PLD1: variants seen among roughly 807,000 people sequenced by gnomAD.
The protein encoded by PLD1 is choline phosphatase 1.
PLD1 carries 112 observed loss-of-function variants against 137.1 expected under a neutral mutation model. The ratio of observed to expected loss-of-function variants is 0.82; its 90% CI spans 0.70 to 0.96. The LOEUF is 0.96. PLD1 is among the 40% of genes least tolerant of loss of function. PLD1 has a pLI of 0.00. For synonymous variants in PLD1, 431 were observed against 454.7 expected (o/e 0.95, Z 0.66); for missense variants, 1,321 against 1,342.0 (o/e 0.98, Z 0.24).
chr3:171,620,800 T>G (rs1451725539), intron 23 of PLD1, among the ~76,000 whole-genome samples: 2 of 148,094 alleles, frequency 1.4e-5, no homozygotes, highest in Non-Finnish European at 3.0e-5. Flanking sequence ...TTGAAGTGTT[T>G]TCTGTCTTCC....
intron 12 of PLD1, 76 bp downstream of exon 12, chr3:171,699,669 G>A (rs915662204): frequency 4.5e-5 from 47 of 1,037,964 alleles, no homozygotes; most frequent in Middle Eastern, 4.1e-4. Flanking sequence ...CGTGTGAAAG[G>A]CTTTGAAAAG....
intron 1 of PLD1, among the ~76,000 whole-genome samples, chr3:171,807,309 A>G (rs1215233270): frequency 6.6e-6 from 1 of 151,984 alleles, no homozygotes; most frequent in Non-Finnish European, 1.5e-5. Context: ...AAAAAAGTTT[A>G]AAAGGTGCAT....
intron 1 of PLD1, among the ~76,000 whole-genome samples, chr3:171,770,726 T>C (rs1722286374): frequency 6.7e-6 from 1 of 149,184 alleles, no homozygotes; most frequent in East Asian, 2.0e-4. Context: ...TATAAAAAAG[T>C]ATAAAAAAAA....
chr3:171,783,904 A>AC (rs1393750266), intron 1 of PLD1, among the ~76,000 whole-genome samples: 1 of 152,074 alleles, frequency 6.6e-6, no homozygotes, highest in African/African-American at 2.4e-5. Flanking sequence ...GCCTTAGGCT[A>AC]CCAAAGTGCT....
intron 21 of PLD1, among the ~76,000 whole-genome samples, chr3:171,646,349 T>G (rs1736209829): frequency 6.6e-6 from 1 of 152,202 alleles, no homozygotes; most frequent in Non-Finnish European, 1.5e-5. Context: ...AATTTTTCTT[T>G]CATGTGAATA....
intron 13 of PLD1, among the ~76,000 whole-genome samples, chr3:171,690,524 A>G (rs1715046324): frequency 6.6e-6 from 1 of 152,026 alleles, no homozygotes; most frequent in South Asian, 2.1e-4. Context: ...TCTGTGTCCC[A>G]TAATTTTGGT....
chr3:171,788,071 G>A (rs964177551), intron 1 of PLD1, among the ~76,000 whole-genome samples: 13 of 151,820 alleles, frequency 8.6e-5, no homozygotes, highest in Non-Finnish European at 1.3e-4. Flanking sequence ...GCTGGGCATG[G>A]TGGTACACGC....
At chr3:171,662,428 C>A (rs1301592574) in intron 19 of PLD1, among the ~76,000 whole-genome samples, 3 of 152,146 alleles carry the variant, frequency 2.0e-5, no homozygotes, top group African/African-American at 7.2e-5. Flanking sequence ...TACCCTCTTT[C>A]ATCCAGGATT....
chr3:171,692,233 T>G, intron 13 of PLD1, 99 bp downstream of exon 13: 1 of 627,558 alleles, frequency 1.6e-6, no homozygotes. Flanking sequence ...AATATACATT[T>G]GGGCATTCTA....
At chr3:171,794,325 G>A (rs1723343565) in intron 1 of PLD1, among the ~76,000 whole-genome samples, 1 of 152,206 alleles carries the variant, frequency 6.6e-6, no homozygotes, top group African/African-American at 2.4e-5. Context: ...AGGTATGTAT[G>A]TATAGGGAAA....
At chr3:171,638,837 C>G (rs1735388614) in intron 23 of PLD1, among the ~76,000 whole-genome samples, 1 of 152,110 alleles carries the variant, frequency 6.6e-6, no homozygotes, top group Non-Finnish European at 1.5e-5. Context: ...CGTGGATTCA[C>G]TAAAGTAGAT....
rs779851911 is a variant in PLD1, at chr3:171,603,295, C to T, written c.3008G>A (p.Arg1003Gln). The T allele has an allele frequency of 1.1e-5, 17 of 1,612,450 alleles. No individual in the cohort carries two copies. Among genetic ancestry groups the T allele is most frequent in the East Asian group, 2.2e-5 (1 of 44,840 alleles). ...GTGTACTTCATCATTGGGAAGGCACCGGAAAACCTGATTAGAGCATAAATA... is the reference window on the plus strand; with the variant it reads ...GTGTACTTCATCATTGGGAAGGCACTGGAAAACCTGATTAGAGCATAAATA... ...RNATIYDKVF[R>Q]CLPNDEVHNL... Residue 1003 changes from arginine to glutamine, a missense_variant, in exon 27 of 27, where the codon CGG (arginine) becomes CAG (glutamine). Arg to Gln is a conservative substitution (Grantham distance 43, BLOSUM62 1). Coordinates refer to ENST00000351298, the MANE Select transcript of PLD1 (RefSeq NM_002662.5).
At chr3:171,749,039 T>C (rs1039531912) in intron 1 of PLD1, among the ~76,000 whole-genome samples, 1 of 151,984 alleles carries the variant, frequency 6.6e-6, no homozygotes, top group Non-Finnish European at 1.5e-5. Flanking sequence ...GGAAACAAAA[T>C]GAATCAAGCT....
intron 16 of PLD1, 141 bp downstream of exon 16, chr3:171,686,544 G>C (rs1714575205): frequency 3.2e-6 from 2 of 622,592 alleles, no homozygotes; most frequent in Admixed American, 2.6e-5. Flanking sequence ...GCTTTGCACA[G>C]AGCAGGCTCT....
At chr3:171,670,713 T>C (rs571552290) in intron 19 of PLD1, among the ~76,000 whole-genome samples, 28 of 152,352 alleles carry the variant, frequency 1.8e-4, no homozygotes, top group African/African-American at 6.0e-4. Flanking sequence ...TGTGGCTAAA[T>C]GTACCTATGA....
chr3:171,603,393 TC>T, intron 26 of PLD1, 91 bp from the exon 27 acceptor site: 1 of 830,652 alleles, frequency 1.2e-6, no homozygotes, highest in Non-Finnish European at 2.0e-6. Context: ...AGACAAGACC[TC>T]TGTTGTATGA....
At chr3:171,729,553 G>T (rs553833438) in intron 6 of PLD1, among the ~76,000 whole-genome samples, 38 of 152,092 alleles carry the variant, frequency 2.5e-4, no homozygotes, top group Non-Finnish European at 4.3e-4. Flanking sequence ...TAAATGGCCA[G>T]GTGGGAAATT....
chr3:171,786,714 T>C (rs1466061610), intron 1 of PLD1, among the ~76,000 whole-genome samples: 3 of 152,128 alleles, frequency 2.0e-5, no homozygotes, highest in East Asian at 3.8e-4. Context: ...TTCTGTGTCG[T>C]TTAATTACTT....
chr3:171,656,947 C>T (rs997434912), intron 21 of PLD1, among the ~76,000 whole-genome samples: 1 of 152,220 alleles, frequency 6.6e-6, no homozygotes, highest in African/African-American at 2.4e-5. Flanking sequence ...AAGGGAACTA[C>T]AGGCCCAACA....
Sources: gnomAD v4.1 joint callset for allele counts (sites outside exome capture counted in the v4.1 genomes callset) on GRCh38, gnomAD v4.1.1 for gene constraint, MANE v1.5 for transcripts, NCBI Gene and HGNC (gene_info 2026-07-23, HGNC 2026-07-21) for gene names.